Variants in RUVBL1 observed in about 807,000 individuals in gnomAD.
RUVBL1 encodes RuvB like AAA ATPase 1, also known as ruvB-like 1.
Under a neutral mutation model 52.4 loss-of-function variants are expected in RUVBL1, and 4 were observed. That is an observed-to-expected ratio of 0.08 (90% CI 0.04 to 0.17). The LOEUF (loss-of-function observed/expected upper bound fraction) is 0.17, where lower values mean the gene tolerates loss of function less well. Among genes scored for constraint, RUVBL1 ranks in the 10% least tolerant of loss-of-function variants. The pLI is 1.00. For synonymous variants in RUVBL1, 217 were observed against 214.4 expected, an observed-to-expected ratio of 1.01 and a Z score of -0.10; for missense variants, 298 against 572.8, an observed-to-expected ratio of 0.52 and a Z score of 4.90.
At position 128,080,998 on chromosome 3, in the gene RUVBL1, G is replaced by C; in HGVS notation, c.*252C>G. ...AGTTTATTTTTAAAAAACTTAGAGAGAGAGAGAGAGAGAATCAAAATAACC... is the reference window on the plus strand; with the variant it reads ...AGTTTATTTTTAAAAAACTTAGAGACAGAGAGAGAGAGAATCAAAATAACC... On this transcript the variant is annotated 3_prime_UTR_variant, in exon 11 of 11. Coordinates refer to ENST00000322623, the MANE Select transcript of RUVBL1 (RefSeq NM_003707.3). The C allele has an allele frequency of 2.4e-6, 1 of 420,552 alleles. No individual in the cohort carries two copies. Among genetic ancestry groups the C allele is most frequent in the Non-Finnish European group, 4.2e-6 (1 of 235,848 alleles). The allele number at this position is 420,552 out of a possible 1,614,324, so 26.1% of individuals were successfully genotyped here. A position where few individuals can be genotyped will look rare whatever the true frequency, so the allele number is the denominator to read the frequency against.
At chr3:128,118,268 T>C (rs1266405508) in intron 2 of RUVBL1, among the ~76,000 whole-genome samples, 1 of 152,002 alleles carries the variant, frequency 6.6e-6, no homozygotes, top group Non-Finnish European at 1.5e-5. Flanking sequence ...TTTGCTTTTA[T>C]ATAGGAAGAG....
chr3:128,110,093 A>T (rs1342482173), intron 3 of RUVBL1, among the ~76,000 whole-genome samples: 3 of 152,104 alleles, frequency 2.0e-5, no homozygotes, highest in African/African-American at 7.2e-5. Context: ...CTGGGATTAC[A>T]GGCATGAGCC....
intron 3 of RUVBL1, among the ~76,000 whole-genome samples, chr3:128,109,994 T>C (rs1943342954): frequency 6.6e-6 from 1 of 151,996 alleles, no homozygotes; most frequent in Admixed American, 6.6e-5. Context: ...TTTTTGTATT[T>C]TTAGTAGAGA....
intron 9 of RUVBL1, among the ~76,000 whole-genome samples, chr3:128,066,445 CAG>C (rs1411467631): frequency 1.3e-5 from 2 of 151,944 alleles, no homozygotes; most frequent in Admixed American, 6.6e-5. Flanking sequence ...TTGTGTGAGA[CAG>C]GGTCTCGTTG....
At chr3:128,108,601 A>G (rs1943302584) in intron 3 of RUVBL1, among the ~76,000 whole-genome samples, 4 of 152,154 alleles carry the variant, frequency 2.6e-5, no homozygotes, top group Admixed American at 2.6e-4. Context: ...TGGCAGGCCA[A>G]GGTAGGTAGA....
intron 1 of RUVBL1, among the ~76,000 whole-genome samples, chr3:128,130,899 C>G (rs1943868298): frequency 6.6e-6 from 1 of 151,928 alleles, no homozygotes; most frequent in Non-Finnish European, 1.5e-5. Context: ...ATCTGCCCAC[C>G]TCGGCCTCCC....
chr3:128,104,302 A>G (rs941002028), intron 4 of RUVBL1, among the ~76,000 whole-genome samples: 1 of 152,210 alleles, frequency 6.6e-6, no homozygotes, highest in Non-Finnish European at 1.5e-5. Flanking sequence ...TTCCTGACAC[A>G]AGCAACTGCA....
chr3:128,118,585 T>C (rs903835816), intron 2 of RUVBL1, among the ~76,000 whole-genome samples: 3 of 132,200 alleles, frequency 2.3e-5, no homozygotes, highest in African/African-American at 7.5e-5. Context: ...TTGGGAACTC[T>C]GGTGAGTTTC....
chr3:128,094,553 G>A (rs1042067285), intron 8 of RUVBL1, among the ~76,000 whole-genome samples: 2 of 152,194 alleles, frequency 1.3e-5, no homozygotes, highest in African/African-American at 2.4e-5. Context: ...GGACCCAGAC[G>A]TTCCTCTGGG....
intron 3 of RUVBL1, among the ~76,000 whole-genome samples, chr3:128,108,072 A>T (rs1943290162): frequency 6.6e-6 from 1 of 152,216 alleles, no homozygotes; most frequent in Admixed American, 6.5e-5. Context: ...ATCTCTGGCA[A>T]CGACAACACA....
intron 1 of RUVBL1, among the ~76,000 whole-genome samples, chr3:128,136,448 A>G (rs1227270610): frequency 2.6e-5 from 4 of 152,096 alleles, no homozygotes; most frequent in African/African-American, 9.7e-5. Context: ...CAACATGGTG[A>G]AACCCCATCT....
chr3:128,149,645 G>C (rs1944156333), intron 1 of RUVBL1, among the ~76,000 whole-genome samples: 1 of 152,186 alleles, frequency 6.6e-6, no homozygotes, highest in Admixed American at 6.5e-5. Flanking sequence ...AAAAGAACAA[G>C]AGGCTGGGGC....
At chr3:128,065,462 C>T (rs1245123091) in intron 9 of RUVBL1, among the ~76,000 whole-genome samples, 1 of 152,162 alleles carries the variant, frequency 6.6e-6, no homozygotes. Context: ...AGTATTCCAT[C>T]TCTTAAACTT....
At chr3:128,150,226 C>T (rs915402384) in intron 1 of RUVBL1, among the ~76,000 whole-genome samples, 6 of 152,104 alleles carry the variant, frequency 3.9e-5, no homozygotes, top group Non-Finnish European at 7.3e-5. Context: ...TGTATCCCTC[C>T]AAAATATCAT....
chr3:128,118,607 C>T (rs575723645), intron 2 of RUVBL1, among the ~76,000 whole-genome samples: 2 of 33,094 alleles, frequency 6.0e-5, no homozygotes, highest in South Asian at 2.4e-3. Context: ...AGTATCTGGC[C>T]AGTCCCCTCA....
chr3:128,067,123 T>G lies in RUVBL1; in HGVS notation c.940-1903A>C. On this transcript the variant is annotated intron_variant, in intron 9 of 9. Coordinates refer to the RUVBL1 transcript ENST00000464873. This position sits in a 1 kb window ranked among gnomAD's most constrained non-coding sequence, Gnocchi z 4.1. Reference sequence around the variant, plus strand: ...CTCTCAGCTCGCTTCAGTGGCAACTTGCTGGTCAGCCTGCTGGGCACCTGG... The same window carrying G: ...CTCTCAGCTCGCTTCAGTGGCAACTGGCTGGTCAGCCTGCTGGGCACCTGG... 1 of 1,614,268 alleles carries G rather than the reference T, an allele frequency of 6.2e-7. No homozygotes were observed. The highest frequency in any genetic ancestry group is 1.1e-5 in the South Asian group (1 of 91,088).
intron 9 of RUVBL1, among the ~76,000 whole-genome samples, chr3:128,065,743 T>TTTTC (rs1292928610): frequency 2.1e-5 from 3 of 140,762 alleles, no homozygotes; most frequent in Non-Finnish European, 4.6e-5. Flanking sequence ...TTTTTTTTTT[T>TTTTC]TTTTTTTTTT....
At chr3:128,066,291 C>T (rs189640056) in intron 9 of RUVBL1, among the ~76,000 whole-genome samples, 1 of 152,202 alleles carries the variant, frequency 6.6e-6, no homozygotes, top group Admixed American at 6.5e-5. Context: ...TAGAGAGAAG[C>T]GCCCTTGGGA....
chr3:128,065,430 C>T (rs951708308), intron 9 of RUVBL1, among the ~76,000 whole-genome samples: 2 of 152,186 alleles, frequency 1.3e-5, no homozygotes, highest in Non-Finnish European at 2.9e-5. Flanking sequence ...GGCCTATCTT[C>T]TTAAGCTGTC....
Sources: gnomAD v4.1 joint callset for allele counts (sites outside exome capture counted in the v4.1 genomes callset) on GRCh38, gnomAD v4.1.1 for gene constraint, Gnocchi (gnomAD v3.1) non-coding constraint, MANE v1.5 for transcripts, NCBI Gene and HGNC (gene_info 2026-07-23, HGNC 2026-07-21) for gene names.